Variants in BTG4 observed in about 807,000 individuals in gnomAD.
BTG4 encodes BTG anti-proliferation factor 4.
A neutral mutation model predicts 19.3 loss-of-function variants in BTG4; 10 were observed. The ratio of observed to expected loss-of-function variants is 0.52; its 90% confidence interval spans 0.32 to 0.88. The LOEUF (loss-of-function observed/expected upper bound fraction) is 0.88. BTG4 is among the 40% of genes least tolerant of loss of function. The pLI is 0.04. For missense variants in BTG4, 238 were observed against 281.9 expected, an observed-to-expected ratio of 0.84 and a Z score of 1.11; for synonymous variants, 91 against 95.7, an observed-to-expected ratio of 0.95 and a Z score of 0.29.
intron 3 of BTG4, 62 bp from the exon 4 acceptor site, chr11:111,497,471 C>T (rs1410004628): frequency 8.8e-7 from 1 of 1,140,418 alleles, no homozygotes; most frequent in Non-Finnish European, 1.2e-6. Flanking sequence ...GATCTCCAAT[C>T]TTTCCTGGAG....
chr11:111,476,556 TG>T (rs1864409573), intron 5 of BTG4, among the ~76,000 whole-genome samples: 1 of 152,174 alleles, frequency 6.6e-6, no homozygotes, highest in African/African-American at 2.4e-5. Context: ...TTGAGTTTTT[TG>T]TTGTTAGAAT....
chr11:111,476,135 T>TACACACACACACACACACACACACAC (rs55989357), intron 5 of BTG4, among the ~76,000 whole-genome samples: 107 of 148,838 alleles, frequency 7.2e-4, no homozygotes, highest in African/African-American at 2.4e-3. Flanking sequence ...CCAGAATAGA[T>TACACACACACACACACACACACACAC]ACACACACAC....
At chr11:111,464,578 G>A (rs1863609600), downstream of BTG4, 1 of 152,212 alleles carries the variant, frequency 6.6e-6, no homozygotes. Context: ...ACATCATCTG[G>A]ACTTCACCAT....
chr11:111,444,646 A>G, the BTG4 span, among the ~76,000 whole-genome samples: 1 of 152,212 alleles, frequency 6.6e-6, no homozygotes, highest in Non-Finnish European at 1.5e-5. Context: ...TTTTTGACAC[A>G]TGAGATGTTT....
At chr11:111,437,112 C>A in the BTG4 span, among the ~76,000 whole-genome samples, 5 of 152,174 alleles carry the variant, frequency 3.3e-5, no homozygotes, top group African/African-American at 7.2e-5. Context: ...TGGCTCCCAA[C>A]CTGCTGCAGC....
chr11:111,473,124 T>C (rs918184684), intron 5 of BTG4, among the ~76,000 whole-genome samples: 1 of 151,636 alleles, frequency 6.6e-6, no homozygotes, highest in Non-Finnish European at 1.5e-5. Context: ...ATAGCAATAG[T>C]TGTGGAGCTG....
At chr11:111,480,411 C>A (rs1864667244) in intron 5 of BTG4, among the ~76,000 whole-genome samples, 1 of 151,996 alleles carries the variant, frequency 6.6e-6, no homozygotes, top group African/African-American at 2.4e-5. Flanking sequence ...TAGAACTAGA[C>A]AGAAAATCAG....
At chr11:111,425,591 T>C in the BTG4 span, among the ~76,000 whole-genome samples, 1 of 152,054 alleles carries the variant, frequency 6.6e-6, no homozygotes, top group Non-Finnish European at 1.5e-5. Context: ...GAAATTTCAG[T>C]TAAGAAACTA....
the BTG4 span, among the ~76,000 whole-genome samples, chr11:111,414,013 G>C: frequency 6.6e-6 from 1 of 152,190 alleles, no homozygotes; most frequent in Non-Finnish European, 1.5e-5. Context: ...CCTTCTGACT[G>C]TTCCGTTCAT....
At chr11:111,400,057 C>T in the BTG4 span, among the ~76,000 whole-genome samples, 98 of 152,184 alleles carry the variant, frequency 6.4e-4, no homozygotes, top group Middle Eastern at 0.01. Context: ...AGTGTAAATC[C>T]CCTCTGTTAC....
chr11:111,485,114 GAA>G (rs1189721356), intron 5 of BTG4, among the ~76,000 whole-genome samples: 1 of 152,110 alleles, frequency 6.6e-6, no homozygotes, highest in African/African-American at 2.4e-5. Flanking sequence ...GATTTATAAA[GAA>G]AATATTACTG....
At chr11:111,477,159 T>G (rs1864442613) in intron 5 of BTG4, among the ~76,000 whole-genome samples, 1 of 152,170 alleles carries the variant, frequency 6.6e-6, no homozygotes, top group Non-Finnish European at 1.5e-5. Flanking sequence ...CTTATTTCCA[T>G]TAATACACTA....
chr11:111,434,464 T>C, the BTG4 span, among the ~76,000 whole-genome samples: 1 of 152,004 alleles, frequency 6.6e-6, no homozygotes, highest in Non-Finnish European at 1.5e-5. Context: ...AGTTGATGGG[T>C]GCAGCAAACC....
chr11:111,497,364 G>A lies in BTG4; in HGVS notation c.357C>T (p.Gly119=), dbSNP rs776117722. 7.1e-7 allele frequency: 1 copy of A among 1,415,152 alleles called. No homozygotes were observed. Among genetic ancestry groups the A allele is most frequent in the Non-Finnish European group, 9.3e-7 (1 of 1,080,162 alleles). 87.7% of individuals were successfully genotyped at this position (1,415,152 alleles called of 1,614,324 possible). Residue 119 remains glycine (G), a synonymous_variant, in exon 4 of 5, where the codon GGC becomes GGT. Coordinates refer to ENST00000692032, the MANE Select transcript of BTG4 (RefSeq NM_001367975.1). ...GATATAGTTCCCATTCCTCCCATCT[G>A]CCTTTAAAAGAAGCAACTGTAAATG... ...NHPFTVASFK[G]RWEEWELYQQ... is the part of the protein sequence containing the mutation.
the BTG4 span, among the ~76,000 whole-genome samples, chr11:111,407,202 T>C: frequency 6.7e-6 from 1 of 148,486 alleles, no homozygotes; most frequent in Non-Finnish European, 1.5e-5. Flanking sequence ...GTTATACATA[T>C]AAGTATATAG....
At chr11:111,508,543 T>A (rs1346849206) in intron 1 of BTG4, among the ~76,000 whole-genome samples, 2 of 152,040 alleles carry the variant, frequency 1.3e-5, no homozygotes. Flanking sequence ...TGTTTTTCCT[T>A]CACAAATTGC....
At chr11:111,420,412 G>A in the BTG4 span, among the ~76,000 whole-genome samples, 731 of 152,310 alleles carry the variant, frequency 4.8e-3, 7 homozygotes, top group African/African-American at 0.016. Context: ...CCTGGAGAAA[G>A]CCACATTTTT....
At chr11:111,447,185 C>T in the BTG4 span, among the ~76,000 whole-genome samples, 1 of 152,346 alleles carries the variant, frequency 6.6e-6, no homozygotes, top group South Asian at 2.1e-4. Flanking sequence ...CTCTCCACCA[C>T]CTGCTGAATG....
chr11:111,440,009 C>T, the BTG4 span, among the ~76,000 whole-genome samples: 1 of 152,232 alleles, frequency 6.6e-6, no homozygotes, highest in Admixed American at 6.5e-5. Context: ...TTTTATCTCA[C>T]AGTGCTGTAG....
Sources: allele counts gnomAD v4.1 joint callset (sites outside exome capture counted in the v4.1 genomes callset), GRCh38; gene constraint gnomAD v4.1.1; transcripts MANE v1.5; gene names NCBI Gene and HGNC (gene_info 2026-07-23, HGNC 2026-07-21).